The following DISP1 variants were observed in gnomAD, a reference collection of about 807,000 sequenced individuals.
The protein encoded by DISP1 is dispatched RND transporter family member 1.
A neutral mutation model predicts 37.3 loss-of-function variants in DISP1; 30 were observed. That is an observed-to-expected ratio of 0.80 (90% CI 0.60 to 1.09). The LOEUF is 1.09. Among genes scored for constraint, DISP1 ranks in the 50% least tolerant of loss-of-function variants. The pLI is 0.00. For synonymous variants in DISP1, 634 were observed against 690.2 expected (o/e 0.92, Z 1.28); for missense variants, 1,598 against 1,879.5 (o/e 0.85, Z 2.77).
chr1:222,854,393 A>T (rs1668441649), intron 1 of DISP1, among the ~76,000 whole-genome samples: 1 of 152,174 alleles, frequency 6.6e-6, no homozygotes, highest in Non-Finnish European at 1.5e-5. Flanking sequence ...AGCAGGGGAA[A>T]TGCCACATGC....
chr1:222,939,221 CATGTT>C (rs1674190503), intron 2 of DISP1, among the ~76,000 whole-genome samples: 1 of 152,036 alleles, frequency 6.6e-6, no homozygotes, highest in Non-Finnish European at 1.5e-5. Flanking sequence ...GTGGAAAAAA[CATGTT>C]ATAAGTGATG....
At chr1:222,870,864 C>T (rs1186040259) in intron 1 of DISP1, among the ~76,000 whole-genome samples, 1 of 152,078 alleles carries the variant, frequency 6.6e-6, no homozygotes, top group East Asian at 1.9e-4. Flanking sequence ...AAGTCCTTGC[C>T]CATGCCTATG....
At chr1:222,874,333 T>C (rs1382242757) in intron 1 of DISP1, among the ~76,000 whole-genome samples, 1 of 152,250 alleles carries the variant, frequency 6.6e-6, no homozygotes, top group African/African-American at 2.4e-5. Flanking sequence ...CCTTGCTAGA[T>C]TGAGGAAGTT....
At chr1:222,839,658 G>A (rs1667467134) in intron 1 of DISP1, among the ~76,000 whole-genome samples, 1 of 152,160 alleles carries the variant, frequency 6.6e-6, no homozygotes, top group Non-Finnish European at 1.5e-5. Flanking sequence ...TTTAGAGCCA[G>A]GCATGGTGGC....
intron 1 of DISP1, among the ~76,000 whole-genome samples, chr1:222,815,348 T>C (rs886243064): frequency 5.3e-5 from 8 of 151,298 alleles, no homozygotes; most frequent in Non-Finnish European, 1.2e-4. Flanking sequence ...AGACTGGAGG[T>C]TGCGGATGAC....
chr1:222,912,588 T>G (rs145954285), intron 1 of DISP1, among the ~76,000 whole-genome samples: 123 of 152,318 alleles, frequency 8.1e-4, no homozygotes, highest in African/African-American at 2.7e-3. Context: ...TTTTTACTTC[T>G]GTTACTTCCT....
chr1:222,939,130 T>C (rs75787943), intron 2 of DISP1, among the ~76,000 whole-genome samples: 13,675 of 152,086 alleles, frequency 0.09, 650 homozygotes, highest in South Asian at 0.18. Flanking sequence ...TTACAAGAAG[T>C]CTCCCAAGTT....
At chr1:222,845,413 G>A (rs1380305101) in intron 1 of DISP1, among the ~76,000 whole-genome samples, 1 of 152,064 alleles carries the variant, frequency 6.6e-6, no homozygotes. Flanking sequence ...TTGCTTAAAA[G>A]GACTCTTGAA....
chr1:222,952,765 G>A (rs565586798), intron 3 of DISP1, among the ~76,000 whole-genome samples: 4 of 152,228 alleles, frequency 2.6e-5, no homozygotes, highest in East Asian at 3.9e-4. Context: ...CCGGAGAATC[G>A]CTTGAACCTG....
At chr1:222,979,348 G>C (rs1457667121) in intron 3 of DISP1, among the ~76,000 whole-genome samples, 2 of 152,046 alleles carry the variant, frequency 1.3e-5, no homozygotes, top group Non-Finnish European at 2.9e-5. Flanking sequence ...AGGAAATTGA[G>C]ACTACAGTGA....
intron 3 of DISP1, among the ~76,000 whole-genome samples, chr1:222,960,327 C>A (rs553837585): frequency 1.3e-5 from 2 of 152,274 alleles, no homozygotes; most frequent in Admixed American, 1.3e-4. Context: ...TCACTAAAAA[C>A]CACACAATTA....
At chr1:222,868,019 A>G (rs1469422320) in intron 1 of DISP1, among the ~76,000 whole-genome samples, 1 of 152,180 alleles carries the variant, frequency 6.6e-6, no homozygotes, top group Non-Finnish European at 1.5e-5. Flanking sequence ...TATCAAGAGG[A>G]GGGCGAATGA....
intron 3 of DISP1, among the ~76,000 whole-genome samples, chr1:222,971,903 A>C (rs921319528): frequency 5.3e-5 from 8 of 152,216 alleles, no homozygotes; most frequent in South Asian, 2.1e-4. Context: ...AAAGTGAGAA[A>C]TGTGTGTGTA....
At chr1:222,924,632 A>G (rs558457984) in intron 1 of DISP1, among the ~76,000 whole-genome samples, 1 of 152,180 alleles carries the variant, frequency 6.6e-6, no homozygotes, top group Non-Finnish European at 1.5e-5. Flanking sequence ...GTTTTTCTGA[A>G]CTTGTACTTC....
chr1:222,999,979 T>G (rs530037567), intron 8 of DISP1, among the ~76,000 whole-genome samples: 120 of 152,326 alleles, frequency 7.9e-4, no homozygotes, highest in African/African-American at 2.8e-3. Context: ...GCATTTAATC[T>G]GTGTTTATAA....
chr1:222,969,592 A>G (rs1676785623), intron 3 of DISP1, among the ~76,000 whole-genome samples: 2 of 151,998 alleles, frequency 1.3e-5, no homozygotes, highest in South Asian at 4.1e-4. Flanking sequence ...TATATAAGTA[A>G]TGGCAAATAT....
At chr1:222,914,002 G>GT (rs34776955) in intron 1 of DISP1, among the ~76,000 whole-genome samples, 34,165 of 128,654 alleles carry the variant, frequency 0.27, 4,380 homozygotes, top group African/African-American at 0.36. Context: ...TTTTTTGGTT[G>GT]TTTTTTTTTT....
chr1:223,002,207 C>T lies in DISP1; in HGVS notation c.988-178C>T, dbSNP rs575382685. Among the ~76,000 whole-genome samples, 9 of 152,270 alleles carry T rather than the reference C, an allele frequency of 5.9e-5. No individual in the cohort carries two copies. The South Asian group carries it at 6.2e-4, about 11-fold the overall frequency. ...ACCTAAAGGGCATCCTGTAACATGA[C>T]GCCATTTAGGGGAAATTTCACCCTG... On this transcript the variant is annotated intron_variant, in intron 8 of 8. Transcript: ENST00000675850.
rs377366887 is a variant in DISP1 at position 223,005,919 on chromosome 1, G to C, written c.4522G>C (p.Val1508Leu). Residue 1508 changes from valine (V) to leucine (L), a missense_variant, in exon 9 of 9, where the codon GTA (valine) becomes CTA (leucine). Transcript: ENST00000675850. ...AAACATGGAAGCCAATGTGCCTGCTGTATTAACACACTCGGAACTTTCTGG... is the reference window on the plus strand; with the variant it reads ...AAACATGGAAGCCAATGTGCCTGCTCTATTAACACACTCGGAACTTTCTGG... ...MPNMEANVPA[V>L]LTHSELSGES... The C allele has an allele frequency of 1.9e-5, 30 of 1,614,018 alleles. No individual in the cohort carries two copies. Among genetic ancestry groups the C allele is most frequent in the Non-Finnish European group, 2.4e-5 (28 of 1,180,052 alleles).
Sources: allele counts gnomAD v4.1 joint callset (sites outside exome capture counted in the v4.1 genomes callset), GRCh38; gene constraint gnomAD v4.1.1; transcripts MANE v1.5; gene names NCBI Gene and HGNC (gene_info 2026-07-23, HGNC 2026-07-21).